GRM1: variants seen among roughly 807,000 people sequenced by gnomAD.
The protein encoded by GRM1 is glutamate metabotropic receptor 1.
Under a neutral mutation model 90.9 loss-of-function variants are expected in GRM1, and 33 were observed. The ratio of observed to expected loss-of-function variants is 0.36; its 90% CI spans 0.28 to 0.49. The LOEUF (loss-of-function observed/expected upper bound fraction) is 0.49. Ranked by LOEUF, GRM1 falls within the 20% of genes least tolerant of loss-of-function variation. The pLI, the probability that GRM1 is intolerant of heterozygous loss-of-function variation, is 0.99. For synonymous variants in GRM1, 700 were observed against 613.2 expected (o/e 1.14, Z -2.09); for missense variants, 1,190 against 1,534.3 (o/e 0.78, Z 3.75).
rs149800626 is a variant in GRM1 at position 146,225,687 on chromosome 6, T to C, written c.950+66090T>C. On this transcript the variant is annotated intron_variant, in intron 2 of 7. Coordinates refer to ENST00000282753, the MANE Select transcript of GRM1 (RefSeq NM_001278064.2). Reference sequence around the variant, plus strand: ...TTAACACCAAATTTAATAATGAAAATAAATTTAAGTTCTGCCTAATTATGA... The same window carrying C: ...TTAACACCAAATTTAATAATGAAAACAAATTTAAGTTCTGCCTAATTATGA... Among the ~76,000 whole-genome samples the C allele has an allele frequency of 1.1e-3, 161 of 152,222 alleles. 1 individual carries two copies. Among genetic ancestry groups the C allele is most frequent in the African/African-American group, 3.8e-3 (157 of 41,546 alleles).
At chr6:146,213,040 T>C (rs1779733840) in intron 2 of GRM1, among the ~76,000 whole-genome samples, 1 of 151,790 alleles carries the variant, frequency 6.6e-6, no homozygotes, top group Admixed American at 6.6e-5. Flanking sequence ...GGGTAATTGG[T>C]ATAATAAGGG....
chr6:146,028,148 G>T (rs1217038081), upstream of GRM1, among the ~76,000 whole-genome samples: 3 of 152,058 alleles, frequency 2.0e-5, no homozygotes, highest in African/African-American at 2.4e-5. Context: ...TCCCCAAGCG[G>T]GTGGGTTTGG....
At chr6:146,408,328 G>A (rs1777429564) in intron 7 of GRM1, among the ~76,000 whole-genome samples, 1 of 152,250 alleles carries the variant, frequency 6.6e-6, no homozygotes, top group South Asian at 2.1e-4. Flanking sequence ...CATAGCAGAT[G>A]TCTATCGAGT....
At chr6:146,139,617 T>C (rs1776759932) in intron 1 of GRM1, among the ~76,000 whole-genome samples, 1 of 152,214 alleles carries the variant, frequency 6.6e-6, no homozygotes, top group Admixed American at 6.5e-5. Context: ...TTGTCCAATA[T>C]ATCTATTTCT....
intron 1 of GRM1, among the ~76,000 whole-genome samples, chr6:146,082,481 ATCT>A (rs1776397760): frequency 6.6e-6 from 1 of 152,022 alleles, no homozygotes; most frequent in South Asian, 2.1e-4. Context: ...TTAAACATTT[ATCT>A]TCTTTCCTAT....
At chr6:146,135,652 A>T (rs1776591005) in intron 1 of GRM1, among the ~76,000 whole-genome samples, 1 of 152,116 alleles carries the variant, frequency 6.6e-6, no homozygotes, top group Non-Finnish European at 1.5e-5. Flanking sequence ...TTTTATTTTT[A>T]ATTTTAGTGG....
chr6:146,051,961 G>A (rs1489245252), intron 1 of GRM1, among the ~76,000 whole-genome samples: 1 of 152,038 alleles, frequency 6.6e-6, no homozygotes, highest in Non-Finnish European at 1.5e-5. Context: ...AAGATCATAA[G>A]GCTGAAACCA....
At chr6:146,346,121 C>T (rs1785181718) in intron 3 of GRM1, among the ~76,000 whole-genome samples, 2 of 152,170 alleles carry the variant, frequency 1.3e-5, no homozygotes, top group Admixed American at 6.5e-5. Flanking sequence ...CCAGATACAC[C>T]ATAATTTTTT....
chr6:146,060,436 T>C (rs1453284693), intron 1 of GRM1, among the ~76,000 whole-genome samples: 2 of 152,138 alleles, frequency 1.3e-5, no homozygotes, highest in African/African-American at 4.8e-5. Context: ...GTGTCTGTTG[T>C]TCCTTTCTTT....
rs764349644 is a variant in GRM1, at chr6:146,426,550, A to G, written c.2661-7322A>G. On this transcript the variant is annotated intron_variant, in intron 7 of 7. Coordinates refer to ENST00000282753, the MANE Select transcript of GRM1 (RefSeq NM_001278064.2). ...GCTCACTGGGTGTCTTTTTCTTTTC[A>G]ATCTTCAGGAAGAGGCAGCCAGAAT... The G allele has an allele frequency of 1.1e-5, 17 of 1,610,236 alleles. No individual in the cohort carries two copies. In the African/African-American group the frequency reaches 1.9e-4, roughly 18 times the overall value.
intron 3 of GRM1, 134 bp downstream of exon 3, chr6:146,304,980 T>C: frequency 1.4e-6 from 1 of 724,238 alleles, no homozygotes; most frequent in South Asian, 1.5e-5. Flanking sequence ...GTTTATAAAA[T>C]GCTAGAATAA....
chr6:146,280,063 A>G (rs1341501740), intron 2 of GRM1, among the ~76,000 whole-genome samples: 3 of 152,120 alleles, frequency 2.0e-5, no homozygotes, highest in Non-Finnish European at 2.9e-5. Context: ...AAGTTTCATC[A>G]TTATTCATTC....
At chr6:146,096,362 A>G (rs1282033108) in intron 1 of GRM1, among the ~76,000 whole-genome samples, 5 of 152,254 alleles carry the variant, frequency 3.3e-5, no homozygotes, top group Middle Eastern at 3.4e-3. Context: ...TGATGATCCA[A>G]TGGAGCCTAA....
chr6:146,278,996 C>T (rs1011826009), intron 2 of GRM1, among the ~76,000 whole-genome samples: 5 of 152,110 alleles, frequency 3.3e-5, no homozygotes, highest in Admixed American at 6.6e-5. Context: ...TGAGCGACCG[C>T]GTCCAGCTGA....
chr6:146,199,570 A>T (rs1359031586), intron 2 of GRM1, among the ~76,000 whole-genome samples: 1 of 152,148 alleles, frequency 6.6e-6, no homozygotes, highest in Non-Finnish European at 1.5e-5. Flanking sequence ...TTCCTTGCTT[A>T]TCAGACTCAC....
intron 2 of GRM1, among the ~76,000 whole-genome samples, chr6:146,284,445 A>G (rs568848512): frequency 7.9e-5 from 12 of 152,186 alleles, no homozygotes; most frequent in Non-Finnish European, 1.6e-4. Flanking sequence ...GCTTCATTAC[A>G]TGAGTAATGC....
chr6:146,300,526 AG>A (rs1470540520), intron 2 of GRM1, among the ~76,000 whole-genome samples: 1 of 152,236 alleles, frequency 6.6e-6, no homozygotes, highest in East Asian at 1.9e-4. Flanking sequence ...GAGGGGGAAT[AG>A]GAAATAAGAA....
At chr6:146,412,664 G>A (rs1049084377) in intron 7 of GRM1, among the ~76,000 whole-genome samples, 3 of 152,156 alleles carry the variant, frequency 2.0e-5, no homozygotes, top group African/African-American at 7.2e-5. Flanking sequence ...TGGCTCATGT[G>A]TTAACATGTA....
intron 2 of GRM1, among the ~76,000 whole-genome samples, chr6:146,219,263 A>G (rs1287119657): frequency 2.6e-5 from 4 of 152,190 alleles, no homozygotes; most frequent in African/African-American, 9.7e-5. Flanking sequence ...GTGTGAGGAT[A>G]AAGAGAATAT....
Sources: allele counts gnomAD v4.1 joint callset (sites outside exome capture counted in the v4.1 genomes callset), GRCh38; gene constraint gnomAD v4.1.1; transcripts MANE v1.5; gene names NCBI Gene and HGNC (gene_info 2026-07-23, HGNC 2026-07-21).